The following ZSCAN25 variants were observed in gnomAD, a reference collection of about 807,000 sequenced individuals.
ZSCAN25 encodes the protein zinc finger and SCAN domain-containing protein 25.
ZSCAN25 carries 27 observed loss-of-function variants against 38.7 expected under a neutral mutation model. That is an observed-to-expected ratio of 0.70 (90% CI 0.51 to 0.96). ZSCAN25 has a LOEUF of 0.96. Among genes scored for constraint, ZSCAN25 ranks in the 40% least tolerant of loss-of-function variants. ZSCAN25 has a pLI of 0.00. For missense variants in ZSCAN25, 637 were observed against 705.9 expected (o/e 0.90, Z 1.11); for synonymous variants, 273 against 277.7 (o/e 0.98, Z 0.17).
the ZSCAN25 span, chr7:99,714,688 G>GA: frequency 8.1e-3 from 10,036 of 1,244,426 alleles, 1 homozygote; most frequent in East Asian, 0.016. Context: ...GACTTCTGTA[G>GA]AAAAAAAAAA....
the ZSCAN25 span, chr7:99,663,478 G>C: frequency 1.0e-6 from 1 of 990,114 alleles, no homozygotes; most frequent in African/African-American, 1.7e-5. Flanking sequence ...TCTCAGAGAA[G>C]ACCCCTGTTC....
chr7:99,675,638 T>TCTCCC, the ZSCAN25 span, among the ~76,000 whole-genome samples: 1 of 2,856 alleles, frequency 3.5e-4, no homozygotes, highest in African/African-American at 1.6e-3. Flanking sequence ...TCTCCTCTCC[T>TCTCCC]CTCCTCCCCC....
chr7:99,713,019 C>T, the ZSCAN25 span, among the ~76,000 whole-genome samples: 31 of 152,296 alleles, frequency 2.0e-4, no homozygotes, highest in South Asian at 1.9e-3. Context: ...CAGTTAAAAT[C>T]GCCCTTATTT....
the ZSCAN25 span, among the ~76,000 whole-genome samples, chr7:99,721,953 C>T: frequency 6.6e-6 from 1 of 152,212 alleles, no homozygotes; most frequent in South Asian, 2.1e-4. Context: ...TGCCCAGCAA[C>T]TGCCTGTCCA....
At chr7:99,662,856 C>G in the ZSCAN25 span, 1 of 1,613,970 alleles carries the variant, frequency 6.2e-7, no homozygotes, top group Admixed American at 1.7e-5. The surrounding 1 kb of genome is among the most constrained non-coding windows in gnomAD (Gnocchi z 4.3). Context: ...GGGAGTCAAT[C>G]ATCAGCTGAA....
At chr7:99,693,813 A>C in the ZSCAN25 span, among the ~76,000 whole-genome samples, 2 of 152,208 alleles carry the variant, frequency 1.3e-5, no homozygotes, top group Non-Finnish European at 2.9e-5. Context: ...TGGGAGCTGC[A>C]GACTAGAGCT....
downstream of ZSCAN25, among the ~76,000 whole-genome samples, chr7:99,634,519 G>C (rs1027667058): frequency 6.6e-6 from 1 of 152,240 alleles, no homozygotes; most frequent in African/African-American, 2.4e-5. Context: ...GCCAGGCGCG[G>C]TGGCTCACGC....
chr7:99,734,382 C>A, the ZSCAN25 span, among the ~76,000 whole-genome samples: 9 of 152,198 alleles, frequency 5.9e-5, no homozygotes, highest in South Asian at 1.7e-3. Context: ...TCTTCTCCTG[C>A]AACTTAAAGG....
intron 6 of ZSCAN25, among the ~76,000 whole-genome samples, chr7:99,623,154 C>T (rs560570957): frequency 6.6e-6 from 1 of 152,312 alleles, no homozygotes; most frequent in Non-Finnish European, 1.5e-5. Flanking sequence ...CTAGGGCTAT[C>T]TAGGCTGTGC....
chr7:99,705,162 A>T, the ZSCAN25 span: 1 of 253,928 alleles, frequency 3.9e-6, no homozygotes, highest in Non-Finnish European at 7.7e-6. Flanking sequence ...TTTATTAATG[A>T]TTGTGGTTGA....
At chr7:99,676,582 T>A in the ZSCAN25 span, 1 of 1,350,932 alleles carries the variant, frequency 7.4e-7, no homozygotes, top group Non-Finnish European at 9.8e-7. Flanking sequence ...TCATCCTAGG[T>A]AGAAAGAGTA....
At chr7:99,728,403 T>G in the ZSCAN25 span, among the ~76,000 whole-genome samples, 1 of 152,202 alleles carries the variant, frequency 6.6e-6, no homozygotes, top group Non-Finnish European at 1.5e-5. Flanking sequence ...AAAGTTTGGT[T>G]GTAGACACTA....
chr7:99,643,712 A>G, the ZSCAN25 span, among the ~76,000 whole-genome samples: 1 of 151,784 alleles, frequency 6.6e-6, no homozygotes, highest in African/African-American at 2.4e-5. Context: ...GCACCCAGTA[A>G]CCTGCATCAT....
chr7:99,705,652 A>G, the ZSCAN25 span: 417 of 1,597,414 alleles, frequency 2.6e-4, 1 homozygote, highest in Non-Finnish European at 3.2e-4. Flanking sequence ...AGTAGAAAGT[A>G]TAGCATCAAA....
At chr7:99,735,006 C>T in the ZSCAN25 span, 3 of 1,613,954 alleles carry the variant, frequency 1.9e-6, no homozygotes, top group Non-Finnish European at 2.5e-6. Context: ...AGAAGAGGAG[C>T]CTGAACAGTT....
chr7:99,621,423 C>A lies in ZSCAN25; in HGVS notation c.438C>A (p.Gly146=), dbSNP rs376411021. The part of the protein sequence containing the change: ...GEQEETALCR[G]AWEPGIQLGP... ...AGGAGGAAACAGCACTTTGCAGAGG[C>A]GCTTGGGAGCCAGGCATCCAGCTGG... is the stretch of plus-strand genomic sequence containing the variant. The change falls in exon 5 of 8, where the codon GGC becomes GGA. Residue 146 remains glycine (G), a synonymous_variant. Transcript: ENST00000394152. 5.9e-6 allele frequency: 9 copies of A among 1,528,518 alleles called. No homozygotes were observed. Among genetic ancestry groups the A allele is most frequent in the Non-Finnish European group, 8.0e-6 (9 of 1,130,848 alleles). 94.7% of individuals were successfully genotyped at this position (1,528,518 alleles called of 1,614,324 possible).
chr7:99,714,454 A>G, the ZSCAN25 span: 2 of 1,545,480 alleles, frequency 1.3e-6, no homozygotes, highest in East Asian at 2.3e-5. Flanking sequence ...TTATGTTAAA[A>G]TCTTTCTCTA....
the ZSCAN25 span, chr7:99,648,383 G>A: frequency 6.2e-7 from 1 of 1,604,414 alleles, no homozygotes; most frequent in Non-Finnish European, 8.5e-7. Flanking sequence ...GTCCTTGCGT[G>A]TCTAATTTCA....
chr7:99,622,579 T>G lies in ZSCAN25; in HGVS notation c.620T>G (p.Leu207Arg), dbSNP rs1211018518. The G allele has an allele frequency of 6.2e-7, 1 of 1,614,072 alleles. No homozygotes were observed. Among genetic ancestry groups the G allele is most frequent in the Non-Finnish European group, 8.5e-7 (1 of 1,180,034 alleles). Residue 207 changes from leucine to arginine, a missense_variant, in exon 6 of 8, where the codon CTC (leucine) becomes CGC (arginine). Transcript: ENST00000394152. ...CCTGTTCTGCAGGCGGGTCCTGGCC[T>G]CCCCGCAGTGAATCCCAGAGACCAA... is the stretch of plus-strand genomic sequence containing the variant. ...ALPVLQAGPGLPAVNPRDQEM... is the reference protein window; with the variant it reads ...ALPVLQAGPGRPAVNPRDQEM...
Sources: allele counts gnomAD v4.1 joint callset (sites outside exome capture counted in the v4.1 genomes callset), GRCh38; gene constraint gnomAD v4.1.1; non-coding constraint Gnocchi (gnomAD v3.1); transcripts MANE v1.5; gene names NCBI Gene and HGNC (gene_info 2026-07-23, HGNC 2026-07-21).